SPOCK3: variants seen among roughly 807,000 people sequenced by gnomAD.
The protein encoded by SPOCK3 is SPARC (osteonectin), cwcv and kazal like domains proteoglycan 3.
SPOCK3 carries 30 observed loss-of-function variants against 56.6 expected under a neutral mutation model. That is an observed-to-expected ratio of 0.53 (90% confidence interval 0.40 to 0.72). The LOEUF (loss-of-function observed/expected upper bound fraction) is 0.72. Among genes scored for constraint, SPOCK3 ranks in the 30% least tolerant of loss-of-function variants. The probability of loss-of-function intolerance (pLI) is 0.00; values close to 1 mark genes in which losing one functional copy is unlikely to be tolerated. For synonymous variants in SPOCK3, 196 were observed against 183.3 expected, an observed-to-expected ratio of 1.07 and a Z score of -0.56; for missense variants, 527 against 530.0, an observed-to-expected ratio of 0.99 and a Z score of 0.06.
intron 2 of SPOCK3, among the ~76,000 whole-genome samples, chr4:167,109,013 C>T (rs368237942): frequency 0.036 from 231 of 6,338 alleles, 48 homozygotes; most frequent in African/African-American, 0.11. Context: ...TAAATATATA[C>T]TTATATAAAA....
At chr4:167,125,773 C>A (rs1762224988) in intron 2 of SPOCK3, among the ~76,000 whole-genome samples, 1 of 152,090 alleles carries the variant, frequency 6.6e-6, no homozygotes, top group Admixed American at 6.6e-5. Flanking sequence ...TGTAGGAGAT[C>A]ACTCAGAGGA....
intron 2 of SPOCK3, among the ~76,000 whole-genome samples, chr4:167,182,482 GAAA>G (rs531887896): frequency 5.7e-5 from 8 of 141,138 alleles, no homozygotes; most frequent in Non-Finnish European, 1.2e-4. Context: ...GAAGTCAATG[GAAA>G]AAAAAAATAT....
At chr4:167,094,657 C>T (rs919990333) in intron 2 of SPOCK3, among the ~76,000 whole-genome samples, 36 of 152,012 alleles carry the variant, frequency 2.4e-4, no homozygotes, top group African/African-American at 7.2e-4. Context: ...CACAGGAACG[C>T]GAGAGTTAGT....
chr4:166,821,694 G>A (rs945609257), intron 6 of SPOCK3, among the ~76,000 whole-genome samples: 1 of 152,012 alleles, frequency 6.6e-6, no homozygotes, highest in African/African-American at 2.4e-5. Context: ...AGATCAGAAA[G>A]GAAAATTTAT....
chr4:167,055,847 C>T (rs1754764703), intron 3 of SPOCK3, among the ~76,000 whole-genome samples: 1 of 152,186 alleles, frequency 6.6e-6, no homozygotes, highest in Non-Finnish European at 1.5e-5. Context: ...GCCTGCCTGC[C>T]TCTGTAGGCT....
chr4:167,111,762 CT>C (rs3082401), intron 2 of SPOCK3, among the ~76,000 whole-genome samples: 243 of 145,400 alleles, frequency 1.7e-3, no homozygotes, highest in Middle Eastern at 3.6e-3. Context: ...AAAAGTAGCA[CT>C]TTTTTTTTTT....
At chr4:167,119,744 C>T in intron 2 of SPOCK3, 1 of 1,262,714 alleles carries the variant, frequency 7.9e-7, no homozygotes, top group African/African-American at 1.5e-5. Flanking sequence ...ATAATGGGTA[C>T]TCTGCTACCC....
chr4:166,771,478 G>C (rs569012707), intron 7 of SPOCK3, among the ~76,000 whole-genome samples: 3 of 152,148 alleles, frequency 2.0e-5, no homozygotes, highest in South Asian at 4.1e-4. Context: ...CAAGGTAGTG[G>C]TAGAACACAG....
At chr4:167,207,612 A>T (rs2111002281) in intron 2 of SPOCK3, among the ~76,000 whole-genome samples, 1 of 152,228 alleles carries the variant, frequency 6.6e-6, no homozygotes, top group South Asian at 2.1e-4. Flanking sequence ...TATTTAAAAT[A>T]TTTCTTCTAA....
intron 2 of SPOCK3, among the ~76,000 whole-genome samples, chr4:167,198,327 G>A (rs973569991): frequency 2.6e-4 from 40 of 152,180 alleles, no homozygotes; most frequent in African/African-American, 9.6e-4. Flanking sequence ...AATGGCTATG[G>A]CCCTGCTAGA....
chr4:167,224,927 A>C (rs1018064514), intron 2 of SPOCK3, among the ~76,000 whole-genome samples: 4 of 152,148 alleles, frequency 2.6e-5, no homozygotes, highest in Non-Finnish European at 5.9e-5. Flanking sequence ...GGCCTCCCAA[A>C]GTGCTGGGAT....
At chr4:166,853,863 C>G (rs1397677108) in intron 6 of SPOCK3, among the ~76,000 whole-genome samples, 1 of 151,472 alleles carries the variant, frequency 6.6e-6, no homozygotes, top group East Asian at 1.9e-4. Context: ...CCCTGGGCGA[C>G]AGAGGAAGAC....
chr4:167,006,816 G>A (rs1488595089), intron 3 of SPOCK3, among the ~76,000 whole-genome samples: 1 of 152,100 alleles, frequency 6.6e-6, no homozygotes, highest in Non-Finnish European at 1.5e-5. Context: ...TACGGGTATT[G>A]TTTCCTCATA....
At chr4:167,090,030 T>C (rs1291570033) in intron 2 of SPOCK3, among the ~76,000 whole-genome samples, 1 of 152,198 alleles carries the variant, frequency 6.6e-6, no homozygotes, top group Non-Finnish European at 1.5e-5. Flanking sequence ...TTTCGGCAGC[T>C]GCACATTTGG....
intron 2 of SPOCK3, among the ~76,000 whole-genome samples, chr4:167,117,215 T>TCA (rs2150358408): frequency 6.6e-6 from 1 of 151,938 alleles, no homozygotes; most frequent in South Asian, 2.1e-4. Flanking sequence ...CTATTACATA[T>TCA]CCATAAAAAT....
chr4:167,136,726 G>A (rs2150391669), intron 2 of SPOCK3, among the ~76,000 whole-genome samples: 1 of 152,230 alleles, frequency 6.6e-6, no homozygotes, highest in Admixed American at 6.5e-5. Context: ...TACCAGACAT[G>A]AGTGTTTACT....
intron 6 of SPOCK3, among the ~76,000 whole-genome samples, chr4:166,813,513 G>A (rs1306999688): frequency 6.6e-6 from 1 of 151,612 alleles, no homozygotes; most frequent in Non-Finnish European, 1.5e-5. Flanking sequence ...TTTCAGTGAG[G>A]AATTATTATC....
intron 5 of SPOCK3, among the ~76,000 whole-genome samples, chr4:166,893,326 T>C (rs1734989207): frequency 1.3e-5 from 2 of 152,146 alleles, no homozygotes; most frequent in African/African-American, 4.8e-5. Flanking sequence ...AAGTAATCCA[T>C]ATAAAATAAC....
chr4:167,110,149 T>C (rs1760779421), intron 2 of SPOCK3, among the ~76,000 whole-genome samples: 1 of 152,078 alleles, frequency 6.6e-6, no homozygotes, highest in South Asian at 2.1e-4. Flanking sequence ...TTGACATCGT[T>C]TGTGATCTCT....
Sources: gnomAD v4.1 joint callset for allele counts (sites outside exome capture counted in the v4.1 genomes callset) on GRCh38, gnomAD v4.1.1 for gene constraint, MANE v1.5 for transcripts, NCBI Gene and HGNC (gene_info 2026-07-23, HGNC 2026-07-21) for gene names.